Variants in LARS1 observed in about 807,000 individuals in gnomAD.
LARS1 encodes the protein leucyl-tRNA synthetase 1, also known as leucine--tRNA ligase, cytoplasmic.
A neutral mutation model predicts 162.8 loss-of-function variants in LARS1; 100 were observed. The ratio of observed to expected loss-of-function variants is 0.61; its 90% CI spans 0.52 to 0.73. The LOEUF (loss-of-function observed/expected upper bound fraction) is 0.73, where lower values mean the gene tolerates loss of function less well. LARS1 is among the 30% of genes least tolerant of loss of function. The probability of loss-of-function intolerance (pLI) is 0.00; values close to 1 mark genes in which losing one functional copy is unlikely to be tolerated. For missense variants in LARS1, 1,258 were observed against 1,408.9 expected (o/e 0.89, Z 1.71); for synonymous variants, 457 against 462.8 (o/e 0.99, Z 0.16).
intron 15 of LARS1, among the ~76,000 whole-genome samples, chr5:146,146,102 C>T (rs542370560): frequency 1.9e-4 from 29 of 152,240 alleles, no homozygotes; most frequent in Middle Eastern, 3.4e-3. Context: ...TGGTGGCTCA[C>T]GCCTGTAAAC....
chr5:146,148,605 C>T (rs1753122848), intron 15 of LARS1, among the ~76,000 whole-genome samples: 1 of 152,020 alleles, frequency 6.6e-6, no homozygotes, highest in East Asian at 1.9e-4. Context: ...ACGGAGAAGA[C>T]AGGGTATGGA....
In LARS1 at chr5:146,143,549, G is replaced by C. The variant is rs777700907; in HGVS notation, c.1740C>G (p.Gly580=). 2.5e-6 allele frequency: 4 copies of C among 1,612,172 alleles called. No homozygotes were observed. In the East Asian group the frequency reaches 8.9e-5, roughly 36 times the overall value. The change falls in exon 19 of 32, where the codon GGC becomes GGG. Residue 580 remains glycine (G), a splice_region_variant and synonymous_variant. Coordinates refer to ENST00000394434, the MANE Select transcript of LARS1 (RefSeq NM_020117.11). ...EHACSRTYGL[G]THLPWDEQWL... Reference sequence around the variant, plus strand: ...ACTGCTCATCCCAAGGCAGGTGAGTGCCTGAAAAATAAAAAGTAACGCATG... The same window carrying C: ...ACTGCTCATCCCAAGGCAGGTGAGTCCCTGAAAAATAAAAAGTAACGCATG...
intron 28 of LARS1, among the ~76,000 whole-genome samples, chr5:146,125,348 T>C (rs1751998743): frequency 6.6e-6 from 1 of 152,002 alleles, no homozygotes. Context: ...TTTCCAAGAA[T>C]ACTAATCTAT....
At position 146,178,793 on chromosome 5, in the gene LARS1, C is replaced by T. The variant is rs1020593840; in HGVS notation, c.7-1128G>A. On this transcript the variant is annotated intron_variant, in intron 1 of 31. Coordinates refer to ENST00000394434, the MANE Select transcript of LARS1 (RefSeq NM_020117.11). The stretch of plus-strand genomic sequence containing the variant: ...CCACTGCCCCCTCTCACTTCAAAAC[C>T]TCTTCTTAATAAGTAACTTGGCTGG... Among the ~76,000 whole-genome samples the T allele has an allele frequency of 3.9e-5, 6 of 152,204 alleles. No individual in the cohort carries two copies. In the East Asian group the frequency reaches 1.2e-3, roughly 29 times the overall value.
At chr5:146,118,174 T>C (rs1751654914) in intron 31 of LARS1, among the ~76,000 whole-genome samples, 1 of 152,172 alleles carries the variant, frequency 6.6e-6, no homozygotes, top group South Asian at 2.1e-4. Context: ...TGAAATATTA[T>C]GCAGACATAA....
chr5:146,125,238 C>T (rs986806539), intron 28 of LARS1, among the ~76,000 whole-genome samples: 1 of 152,026 alleles, frequency 6.6e-6, no homozygotes, highest in African/African-American at 2.4e-5. Context: ...TACATTACAA[C>T]TTGATTAGTG....
At chr5:146,166,958 C>T (rs574690522) in intron 5 of LARS1, among the ~76,000 whole-genome samples, 91 of 152,296 alleles carry the variant, frequency 6.0e-4, no homozygotes, top group Non-Finnish European at 1.1e-3. Flanking sequence ...GTATCATATA[C>T]TCCCTAACGC....
At chr5:146,180,141 G>A (rs1418683865) in intron 1 of LARS1, among the ~76,000 whole-genome samples, 2 of 152,194 alleles carry the variant, frequency 1.3e-5, no homozygotes, top group Non-Finnish European at 2.9e-5. Flanking sequence ...TGAGGCCAGA[G>A]GATCACTTGA....
chr5:146,133,462 A>C (rs1301625981), intron 22 of LARS1, among the ~76,000 whole-genome samples: 2 of 152,192 alleles, frequency 1.3e-5, no homozygotes, highest in African/African-American at 4.8e-5. Flanking sequence ...AGCAAAATAC[A>C]TTTTAATACA....
rs368720020 is a variant in LARS1 at position 146,114,221 on chromosome 5, G to T, written c.3416C>A (p.Thr1139Asn). Residue 1139 changes from threonine to asparagine, a missense_variant, in exon 32 of 32, where the codon ACC becomes AAC. Transcript: ENST00000394434. ...GAAAACAGCATGCTCAGAAATGGGG[G>T]TCTTCTCGGTGTACTCCTTTCCCAG... ...PVLGKEYTEK[T>N]PISEHAVFNV... The T allele has an allele frequency of 6.2e-7, 1 of 1,613,790 alleles. No individual in the cohort carries two copies. Among genetic ancestry groups the T allele is most frequent in the South Asian group, 1.1e-5 (1 of 91,050 alleles).
At chr5:146,115,180 A>C (rs908365317) in intron 31 of LARS1, among the ~76,000 whole-genome samples, 1 of 152,056 alleles carries the variant, frequency 6.6e-6, no homozygotes, top group Non-Finnish European at 1.5e-5. Flanking sequence ...TAAGAGAGAG[A>C]AAGAATTGTG....
At position 146,132,931 on chromosome 5, in the gene LARS1, G is replaced by A; in HGVS notation, c.2363C>T (p.Pro788Leu). ...VANWDSLRSG[P>L]ASTFNDRVFA... ...AACTCTATCATTGAAAGTGCTGGCA[G>A]GACCACTTCTTAGGCTGTCCCAGTT... Residue 788 changes from proline to leucine, a missense_variant, in exon 23 of 32, where the codon CCT (proline) becomes CTT (leucine). Coordinates refer to ENST00000394434, the MANE Select transcript of LARS1 (RefSeq NM_020117.11). The A allele has an allele frequency of 1.2e-6, 2 of 1,614,002 alleles. No homozygotes were observed. The highest frequency in any genetic ancestry group is 1.7e-6 in the Non-Finnish European group (2 of 1,179,928).
Position 146,171,805 on chromosome 5 carries a change from T to C in LARS1, c.294+105A>G, listed in dbSNP as rs184828918. The C allele has an allele frequency of 3.0e-4, 216 of 721,070 alleles. 2 individuals are homozygous for C. In the East Asian group the frequency reaches 5.2e-3, roughly 17 times the overall value. The allele number at this position is 721,070 out of a possible 1,614,324, so 44.7% of individuals were successfully genotyped here. A position where few individuals can be genotyped will look rare whatever the true frequency, so the allele number is the denominator to read the frequency against. On this transcript the variant is annotated intron_variant, in intron 4 of 31. Coordinates refer to ENST00000394434, the MANE Select transcript of LARS1 (RefSeq NM_020117.11). ...ACTATAATAAATTCAACTCATTTCA[T>C]ACTTTAATGCAGCAATACTTAAAAA...
chr5:146,143,682 TAA>T, intron 18 of LARS1, 132 bp from the exon 19 acceptor site: 4 of 820,084 alleles, frequency 4.9e-6, no homozygotes, highest in African/African-American at 1.7e-5. Context: ...CTTGAATAAT[TAA>T]TAAAAATAAA....
chr5:146,168,243 C>G lies in LARS1; in HGVS notation c.317G>C (p.Arg106Thr). 1 of 1,612,526 alleles carries G rather than the reference C, an allele frequency of 6.2e-7. No homozygotes were observed. ...GGGGCAACCATACAGCTCTATTTCT[C>G]TTTTCAACTTATCAGCACATGCCTA... ...PIKACADKLK[R>T]EIELYGCPPD... Residue 106 changes from arginine (R) to threonine (T), a missense_variant, in exon 5 of 32, where the codon AGA becomes ACA. Physicochemically the swap from Arg to Thr is moderately conservative, Grantham distance 71 (BLOSUM62 -1). Transcript: ENST00000394434.
At chr5:146,147,217 G>T (rs1417592407) in intron 15 of LARS1, among the ~76,000 whole-genome samples, 3 of 151,904 alleles carry the variant, frequency 2.0e-5, no homozygotes, top group Non-Finnish European at 2.9e-5. Flanking sequence ...ACATATCAAC[G>T]GTCTTCCTCA....
intron 15 of LARS1, among the ~76,000 whole-genome samples, chr5:146,149,261 TTAACTCAGC>T (rs1753161530): frequency 6.6e-6 from 1 of 152,118 alleles, no homozygotes; most frequent in African/African-American, 2.4e-5. Context: ...ATGTAAAGGG[TTAACTCAGC>T]TAAATAGAAG....
intron 31 of LARS1, among the ~76,000 whole-genome samples, chr5:146,116,176 C>A (rs775669537): frequency 6.6e-6 from 1 of 152,106 alleles, no homozygotes; most frequent in East Asian, 1.9e-4. Flanking sequence ...AGAGAGCAGG[C>A]GCAATCTTCA....
At chr5:146,169,654 T>A (rs186383800) in intron 4 of LARS1, among the ~76,000 whole-genome samples, 1 of 152,158 alleles carries the variant, frequency 6.6e-6, no homozygotes, top group East Asian at 1.9e-4. Context: ...GTTCAAGCGA[T>A]TCTCCTGACA....
Sources: allele counts gnomAD v4.1 joint callset (sites outside exome capture counted in the v4.1 genomes callset), GRCh38; gene constraint gnomAD v4.1.1; transcripts MANE v1.5; gene names NCBI Gene and HGNC (gene_info 2026-07-23, HGNC 2026-07-21).